The following BBS12 variants were observed in gnomAD, a reference collection of about 807,000 sequenced individuals.
BBS12 encodes chaperonin-containing T-complex member BBS12.
In BBS12, 5 loss-of-function variants were observed where a neutral mutation model predicts 5.6. The ratio of observed to expected loss-of-function variants is 0.89; its 90% CI spans 0.46 to 1.86. The LOEUF (loss-of-function observed/expected upper bound fraction) is 1.86. Ranked by LOEUF, BBS12 falls within the 40% of genes most tolerant of loss-of-function variation. The pLI, the probability that BBS12 is intolerant of heterozygous loss-of-function variation, is 0.01. For missense variants in BBS12, 748 were observed against 830.4 expected (o/e 0.90, Z 1.22); for synonymous variants, 308 against 306.8 (o/e 1.00, Z -0.04).
chr4:122,733,663 A>T (rs1404837161), intron 1 of BBS12, among the ~76,000 whole-genome samples: 1 of 152,196 alleles, frequency 6.6e-6, no homozygotes, highest in Non-Finnish European at 1.5e-5. Flanking sequence ...ACAGGGGAGA[A>T]AGACTGAGGT....
chr4:122,735,086 A>G (rs1800765543), intron 1 of BBS12, among the ~76,000 whole-genome samples: 1 of 152,220 alleles, frequency 6.6e-6, no homozygotes, highest in African/African-American at 2.4e-5. Flanking sequence ...AATGTTTTTA[A>G]TACAGGGTAT....
At chr4:122,721,173 G>T in the BBS12 span, among the ~76,000 whole-genome samples, 1 of 152,104 alleles carries the variant, frequency 6.6e-6, no homozygotes, top group African/African-American at 2.4e-5. Flanking sequence ...ATCACCAGCA[G>T]ATCTTCACCA....
the BBS12 span, among the ~76,000 whole-genome samples, chr4:122,706,517 C>T: frequency 8.5e-3 from 1,290 of 152,232 alleles, 9 homozygotes; most frequent in Middle Eastern, 0.02. Context: ...AAGAGGACTC[C>T]TTGAGCCCGG....
the BBS12 span, among the ~76,000 whole-genome samples, chr4:122,712,172 T>G: frequency 3.3e-5 from 5 of 152,234 alleles, no homozygotes; most frequent in Admixed American, 3.3e-4. Flanking sequence ...AGTCTCCAGC[T>G]TGCAGATGGC....
At chr4:122,706,204 T>C in the BBS12 span, among the ~76,000 whole-genome samples, 2 of 152,148 alleles carry the variant, frequency 1.3e-5, no homozygotes, top group Admixed American at 6.5e-5. Context: ...CTCTGTCTCT[T>C]TCTCTCTCTC....
chr4:122,714,649 C>T, the BBS12 span, among the ~76,000 whole-genome samples: 12 of 151,782 alleles, frequency 7.9e-5, no homozygotes, highest in East Asian at 5.8e-4. Flanking sequence ...AATATATACA[C>T]ACACACACAC....
At chr4:122,733,753 G>T (rs1337728688) in intron 1 of BBS12, among the ~76,000 whole-genome samples, 1 of 151,800 alleles carries the variant, frequency 6.6e-6, no homozygotes, top group East Asian at 1.9e-4. Flanking sequence ...GCTCACACAT[G>T]CGGACCCCTT....
At chr4:122,723,971 T>G in the BBS12 span, among the ~76,000 whole-genome samples, 2 of 152,226 alleles carry the variant, frequency 1.3e-5, no homozygotes, top group Non-Finnish European at 2.9e-5. Flanking sequence ...TATGCCATCA[T>G]GTAATAAGTC....
the BBS12 span, among the ~76,000 whole-genome samples, chr4:122,719,593 A>G: frequency 6.6e-6 from 1 of 152,150 alleles, no homozygotes; most frequent in Non-Finnish European, 1.5e-5. Flanking sequence ...AAGAGCTGTA[A>G]CACTCACTGA....
the BBS12 span, among the ~76,000 whole-genome samples, chr4:122,700,458 G>C: frequency 6.6e-6 from 1 of 152,194 alleles, no homozygotes; most frequent in East Asian, 1.9e-4. Context: ...TTCCTGCGTT[G>C]CAAGTAAGGG....
chr4:122,740,911 G>A (rs1018430598), intron 1 of BBS12, among the ~76,000 whole-genome samples: 4 of 152,056 alleles, frequency 2.6e-5, no homozygotes, highest in African/African-American at 4.8e-5. Flanking sequence ...TTTTAGATGT[G>A]GAAATTAAGG....
In BBS12 at chr4:122,744,239, A is replaced by C; in HGVS notation, c.*214A>C. 1 of 550,086 alleles carries C rather than the reference A, an allele frequency of 1.8e-6. No individual in the cohort carries two copies. The allele number at this position is 550,086 out of a possible 1,614,324, so 34.1% of individuals were successfully genotyped here. A position where few individuals can be genotyped will look rare whatever the true frequency, so the allele number is the denominator to read the frequency against. On this transcript the variant is annotated 3_prime_UTR_variant, in exon 2 of 2. Transcript: ENST00000314218. ...TGTTTCGTGGGATGCTACAGAATGCATAAGACACCTGGGTCAGAAACAAAG... is the reference window on the plus strand; with the variant it reads ...TGTTTCGTGGGATGCTACAGAATGCCTAAGACACCTGGGTCAGAAACAAAG...
chr4:122,718,740 A>AAAT, the BBS12 span, among the ~76,000 whole-genome samples: 1 of 152,158 alleles, frequency 6.6e-6, no homozygotes, highest in East Asian at 1.9e-4. Flanking sequence ...AAATGAAATG[A>AAAT]AATGAAATGA....
chr4:122,740,449 T>C (rs1175344213), intron 1 of BBS12, among the ~76,000 whole-genome samples: 2 of 152,190 alleles, frequency 1.3e-5, no homozygotes, highest in Non-Finnish European at 2.9e-5. Flanking sequence ...AATAAATCCA[T>C]GGTTGTGTCT....
chr4:122,730,963 A>G (rs945260486), upstream of BBS12: 11 of 152,154 alleles, frequency 7.2e-5, no homozygotes, highest in Non-Finnish European at 1.6e-4. Flanking sequence ...ACTCTTTTAA[A>G]AAAGAAGCAA....
At chr4:122,731,825 C>T (rs1468313481), upstream of BBS12, 1 of 152,230 alleles carries the variant, frequency 6.6e-6, no homozygotes, top group Non-Finnish European at 1.5e-5. Flanking sequence ...TTCAGTCCTA[C>T]TGTGCCATCA....
intron 1 of BBS12, among the ~76,000 whole-genome samples, chr4:122,738,706 G>A (rs1800822102): frequency 6.6e-6 from 1 of 152,006 alleles, no homozygotes; most frequent in Admixed American, 6.6e-5. Flanking sequence ...CAAAAGACTT[G>A]AATAGACATT....
the BBS12 span, among the ~76,000 whole-genome samples, chr4:122,705,094 T>C: frequency 0.97 from 148,372 of 152,226 alleles, 72,351 homozygotes; most frequent in East Asian, 1. Context: ...GAAGAACTTC[T>C]GCGAACATTC....
chr4:122,715,556 G>T, the BBS12 span, among the ~76,000 whole-genome samples: 3 of 152,250 alleles, frequency 2.0e-5, no homozygotes, highest in African/African-American at 4.8e-5. Context: ...AAACATGAAC[G>T]TTTGTGATTT....
Sources: gnomAD v4.1 joint callset for allele counts (sites outside exome capture counted in the v4.1 genomes callset) on GRCh38, gnomAD v4.1.1 for gene constraint, MANE v1.5 for transcripts, NCBI Gene and HGNC (gene_info 2026-07-23, HGNC 2026-07-21) for gene names.